The following PHF20 variants were observed in gnomAD, a reference collection of about 807,000 sequenced individuals.
PHF20 encodes PHD finger protein 20.
In PHF20, 23 loss-of-function variants were observed where a neutral mutation model predicts 113.5. The ratio of observed to expected loss-of-function variants is 0.20; its 90% CI spans 0.15 to 0.29. The LOEUF is 0.29. Ranked by LOEUF, PHF20 falls within the 10% of genes least tolerant of loss-of-function variation. The pLI is 1.00. For missense variants in PHF20, 943 were observed against 1,219.6 expected (o/e 0.77, Z 3.38); for synonymous variants, 434 against 457.3 (o/e 0.95, Z 0.65).
chr20:35,925,460 A>G (rs1004289412), intron 13 of PHF20, among the ~76,000 whole-genome samples: 5 of 151,540 alleles, frequency 3.3e-5, no homozygotes, highest in South Asian at 2.1e-4. Flanking sequence ...ATGGGGTTTC[A>G]AACATGTTGG....
Position 35,869,474 on chromosome 20 carries a change from C to T in PHF20, c.845C>T (p.Thr282Ile). Residue 282 changes from threonine (T) to isoleucine (I), a missense_variant, in exon 7 of 18, where the codon ACA (threonine) becomes ATA (isoleucine). By Grantham distance (89) the Thr-to-Ile change is moderately conservative. Transcript: ENST00000374012. ...AACTCTCAAACTTTGCAACCAATAA[C>T]ATTGGAACTGAGAAGAAGGAAAATA... ...DSNSQTLQPI[T>I]LELRRRKISK... 6.2e-7 allele frequency: 1 copy of T among 1,610,678 alleles called. No homozygotes were observed. The highest frequency in any genetic ancestry group is 8.5e-7 in the Non-Finnish European group (1 of 1,177,890).
chr20:35,855,160 C>T, intron 4 of PHF20: 2 of 603,370 alleles, frequency 3.3e-6, no homozygotes, highest in Non-Finnish European at 4.7e-6. Flanking sequence ...CGTCCCCAGA[C>T]TTGCCAGAGT....
chr20:35,898,445 A>AT (rs1251456692), intron 9 of PHF20, among the ~76,000 whole-genome samples: 9 of 151,270 alleles, frequency 5.9e-5, no homozygotes, highest in Non-Finnish European at 5.9e-5. Context: ...TTTATTTTTT[A>AT]TTTTTTTTGA....
intron 9 of PHF20, among the ~76,000 whole-genome samples, chr20:35,876,530 C>G (rs971431413): frequency 2.0e-5 from 3 of 151,990 alleles, no homozygotes; most frequent in African/African-American, 7.3e-5. Flanking sequence ...GAGATTGCGC[C>G]CCTGCACCCA....
chr20:35,893,757 G>A (rs2054923287), intron 9 of PHF20, among the ~76,000 whole-genome samples: 2 of 152,158 alleles, frequency 1.3e-5, no homozygotes, highest in East Asian at 1.9e-4. Flanking sequence ...TGGGATTACA[G>A]GCACCTGCCA....
intron 11 of PHF20, 149 bp downstream of exon 11, chr20:35,913,496 G>T: frequency 1.5e-6 from 1 of 674,802 alleles, no homozygotes; most frequent in South Asian, 1.8e-5. Flanking sequence ...CCTAGTATGG[G>T]CCCTGGAAGG....
intron 2 of PHF20, among the ~76,000 whole-genome samples, chr20:35,840,167 G>A (rs1337896155): frequency 6.6e-6 from 1 of 152,144 alleles, no homozygotes; most frequent in African/African-American, 2.4e-5. Flanking sequence ...AATACAGATA[G>A]AATGTAAACT....
chr20:35,920,118 C>G (rs1374361949), intron 13 of PHF20, among the ~76,000 whole-genome samples: 2 of 152,172 alleles, frequency 1.3e-5, no homozygotes, highest in Non-Finnish European at 2.9e-5. Context: ...CCTCCTGGTA[C>G]CCATACTTTG....
chr20:35,801,221 T>G (rs1393692562), intron 1 of PHF20, among the ~76,000 whole-genome samples: 4 of 152,204 alleles, frequency 2.6e-5, no homozygotes. Context: ...AGTTGTTTTT[T>G]TGTAGTTCTG....
chr20:35,835,147 C>T (rs1041295042), intron 2 of PHF20, among the ~76,000 whole-genome samples: 4 of 151,850 alleles, frequency 2.6e-5, no homozygotes, highest in East Asian at 1.9e-4. Flanking sequence ...TGGTGGCGGG[C>T]GCCTGTAGTC....
intron 1 of PHF20, among the ~76,000 whole-genome samples, chr20:35,800,509 G>GTAATA (rs1417903590): frequency 6.6e-6 from 1 of 152,178 alleles, no homozygotes; most frequent in African/African-American, 2.4e-5. Flanking sequence ...AGTGGTTCAC[G>GTAATA]CCTGTAATAC....
chr20:35,777,796 C>A (rs927419375), intron 1 of PHF20, among the ~76,000 whole-genome samples: 6 of 152,172 alleles, frequency 3.9e-5, no homozygotes, highest in African/African-American at 1.2e-4. Flanking sequence ...CAGCACGAGA[C>A]CCCATTGCTT....
At chr20:35,944,382 G>A (rs1032493192) in intron 17 of PHF20, among the ~76,000 whole-genome samples, 3 of 152,114 alleles carry the variant, frequency 2.0e-5, no homozygotes, top group African/African-American at 7.2e-5. Flanking sequence ...CACTGTGCAT[G>A]CCTCCTGGGC....
At chr20:35,871,587 GGACTTTTGATTTCAGAATTA>G in intron 8 of PHF20, 43 bp from the exon 9 acceptor site, 1 of 1,381,990 alleles carries the variant, frequency 7.2e-7, no homozygotes, top group Non-Finnish European at 9.8e-7. Context: ...GACTGTTGTA[GGACTTTTGATTTCAGAATTA>G]CATACATGTA....
At chr20:35,782,584 G>A (rs2041323909) in intron 1 of PHF20, 1 of 152,160 alleles carries the variant, frequency 6.6e-6, no homozygotes, top group Non-Finnish European at 1.5e-5. Flanking sequence ...TGGCCAAGAG[G>A]TCACTTTTCA....
chr20:35,914,963 CAA>C (rs1287168580), intron 12 of PHF20, among the ~76,000 whole-genome samples: 1 of 46,606 alleles, frequency 2.1e-5, no homozygotes, highest in African/African-American at 8.3e-5. Flanking sequence ...GACTCCGTCT[CAA>C]AAAAAAAAAA....
In PHF20 at chr20:35,896,105, G is replaced by A. The variant is rs192703594; in HGVS notation, c.1283-3265G>A. Among the ~76,000 whole-genome samples the A allele has an allele frequency of 3.2e-4, 48 of 152,036 alleles. No homozygotes were observed. The East Asian group carries it at 9.1e-3, about 29-fold the overall frequency. On this transcript the variant is annotated intron_variant, in intron 9 of 17. Coordinates refer to ENST00000374012, the MANE Select transcript of PHF20 (RefSeq NM_016436.5). Reference sequence around the variant, plus strand: ...GATGTGTGTGTGTGTGTGTGTGTGTGTGTGTGTGTATAGGTTTTTGTTGGT... The same window carrying A: ...GATGTGTGTGTGTGTGTGTGTGTGTATGTGTGTGTATAGGTTTTTGTTGGT...
At chr20:35,895,952 G>A (rs1353161383) in intron 9 of PHF20, among the ~76,000 whole-genome samples, 1 of 152,122 alleles carries the variant, frequency 6.6e-6, no homozygotes, top group African/African-American at 2.4e-5. Context: ...CTCCCAAAGT[G>A]CTAGGATTAC....
At position 35,941,062 on chromosome 20, in the gene PHF20, T is replaced by C. The variant is rs201429864; in HGVS notation, c.2896+15T>C. ...GGAGTTGGATGGTAGGGCTCCTTCA[T>C]TGGCCCCCTGTGCATTGGCATGCAG... is the stretch of plus-strand genomic sequence containing the variant. On this transcript the variant is annotated intron_variant, in intron 17 of 17. Transcript: ENST00000374012. 3.5e-5 allele frequency: 56 copies of C among 1,607,338 alleles called. No homozygotes were observed. Among genetic ancestry groups the C allele is most frequent in the East Asian group, 2.9e-4 (13 of 44,768 alleles).
Sources: gnomAD v4.1 joint callset for allele counts (sites outside exome capture counted in the v4.1 genomes callset) on GRCh38, gnomAD v4.1.1 for gene constraint, MANE v1.5 for transcripts, NCBI Gene and HGNC (gene_info 2026-07-23, HGNC 2026-07-21) for gene names.